Variants in POLR1C observed in about 807,000 individuals in gnomAD.
POLR1C encodes RNA polymerase I and III subunit C, also known as DNA-directed RNA polymerases I and III subunit RPAC1.
In POLR1C, 42 loss-of-function variants were observed where a neutral mutation model predicts 38.3. That is an observed-to-expected ratio of 1.10 (90% CI 0.86 to 1.42). POLR1C has a LOEUF of 1.42. Among genes scored for constraint, POLR1C ranks in the 40% most tolerant of loss-of-function variants. The pLI is 0.00. For synonymous variants in POLR1C, 163 were observed against 163.9 expected (o/e 0.99, Z 0.04); for missense variants, 507 against 450.5 (o/e 1.13, Z -1.14).
chr6:43,545,408 T>G (rs1330401884), intron 9 of POLR1C, among the ~76,000 whole-genome samples: 1 of 151,976 alleles, frequency 6.6e-6, no homozygotes, highest in Non-Finnish European at 1.5e-5. Context: ...ACAATGTAAT[T>G]TAAACATCCT....
In POLR1C at chr6:43,521,325, G is replaced by A; in HGVS notation, c.*25G>A. On this transcript the variant is annotated 3_prime_UTR_variant, in exon 9 of 9. Transcript: ENST00000642195. ...AGCTTGGATGCTTCTGAGGCAAGCT[G>A]AAGCTTTGGGTTCTGACTGACCCAC... 6.2e-7 allele frequency: 1 copy of A among 1,611,950 alleles called. No homozygotes were observed. The highest frequency in any genetic ancestry group is 1.7e-5 in the Admixed American group (1 of 60,024).
At chr6:43,552,830 G>A (rs998043627) in intron 10 of POLR1C, among the ~76,000 whole-genome samples, 2 of 152,144 alleles carry the variant, frequency 1.3e-5, no homozygotes, top group Admixed American at 6.5e-5. Context: ...TACTGGTGGC[G>A]TACAGTATTC....
At chr6:43,550,542 C>G (rs1288751135) in intron 9 of POLR1C, among the ~76,000 whole-genome samples, 2 of 152,202 alleles carry the variant, frequency 1.3e-5, no homozygotes, top group Non-Finnish European at 2.9e-5. Context: ...TCGCTTGACT[C>G]ACATGTCTCC....
chr6:43,518,769 C>T (rs1344520462), intron 2 of POLR1C, among the ~76,000 whole-genome samples: 3 of 152,140 alleles, frequency 2.0e-5, no homozygotes, highest in East Asian at 1.9e-4. Context: ...CTGCAACCTC[C>T]GCCTCCCGGG....
chr6:43,520,874 T>G, intron 7 of POLR1C, 58 bp from the exon 8 acceptor site: 1 of 1,601,304 alleles, frequency 6.2e-7, no homozygotes, highest in Non-Finnish European at 8.6e-7. Context: ...ATAACCTGGT[T>G]TGCTACCAAG....
In POLR1C at chr6:43,558,107, C is replaced by T. The variant is rs532130605; in HGVS notation, c.*49-3293C>T. On this transcript the variant is annotated intron_variant, in intron 10 of 10. Coordinates refer to the POLR1C transcript ENST00000607635. ...TGAAACTCCATCTCAAAAAAAAAAA[C>T]AAACAAAAAGGAAATAAGGCACAGA... Among the ~76,000 whole-genome samples, 152 of 147,908 alleles carry T rather than the reference C, an allele frequency of 1.0e-3. 2 individuals carry two copies. The highest frequency in any genetic ancestry group is 3.6e-3 in the African/African-American group (144 of 39,682).
chr6:43,520,886 G>A, intron 7 of POLR1C, 46 bp from the exon 8 acceptor site: 1 of 1,601,730 alleles, frequency 6.2e-7, no homozygotes, highest in Non-Finnish European at 8.6e-7. Context: ...GCTACCAAGT[G>A]GCAAATTAGA....
At chr6:43,548,026 A>C (rs1207526078) in intron 9 of POLR1C, among the ~76,000 whole-genome samples, 1 of 152,140 alleles carries the variant, frequency 6.6e-6, no homozygotes, top group African/African-American at 2.4e-5. Flanking sequence ...ATTTTTCTAA[A>C]TGTGCTGGTG....
At chr6:43,535,889 A>G (rs569186489) in intron 9 of POLR1C, among the ~76,000 whole-genome samples, 1 of 151,552 alleles carries the variant, frequency 6.6e-6, no homozygotes, top group African/African-American at 2.4e-5. Context: ...TAGGGAGGCC[A>G]AGGCCGGAGA....
chr6:43,526,751 A>G, intron 8 of POLR1C: 1 of 1,613,554 alleles, frequency 6.2e-7, no homozygotes, highest in South Asian at 1.1e-5. Flanking sequence ...CAAACCGCTA[A>G]AGCAAGAAAG....
downstream of POLR1C, chr6:43,533,732 G>A (rs1391540451): frequency 1.0e-5 from 4 of 384,066 alleles, no homozygotes; most frequent in South Asian, 5.1e-5. Context: ...CTACTCGGGA[G>A]GCTGAGGCAG....
At chr6:43,548,401 C>T in intron 9 of POLR1C, 5 of 1,611,284 alleles carry the variant, frequency 3.1e-6, no homozygotes, top group Non-Finnish European at 4.2e-6. Context: ...CCATTTGTGT[C>T]AGGAGTAGCT....
chr6:43,541,561 C>T (rs1794690348), intron 9 of POLR1C, among the ~76,000 whole-genome samples: 1 of 144,982 alleles, frequency 6.9e-6, no homozygotes, highest in Non-Finnish European at 1.5e-5. Context: ...CTGCCAGGCC[C>T]ATTAAGCAGT....
At chr6:43,538,009 C>T (rs1180805645) in intron 9 of POLR1C, among the ~76,000 whole-genome samples, 10 of 141,128 alleles carry the variant, frequency 7.1e-5, no homozygotes, top group Middle Eastern at 8.6e-3. Context: ...TGCTTGATCC[C>T]GGGAGGCGGA....
At chr6:43,525,322 T>G, downstream of POLR1C, 1 of 1,055,324 alleles carries the variant, frequency 9.5e-7, no homozygotes, top group African/African-American at 1.6e-5. Context: ...TCCCCCCCTC[T>G]AAAGATGGGT....
At position 43,561,006 on chromosome 6, in the gene POLR1C, C is replaced by G. The variant is rs1561882891; in HGVS notation, c.*49-394C>G. 5 of 1,613,152 alleles carry G rather than the reference C, an allele frequency of 3.1e-6. No homozygotes were observed. On this transcript the variant is annotated intron_variant, in intron 10 of 10. Transcript: ENST00000607635. ...TGGTGTTTCTACATCAGAATCTGCA[C>G]CCTGTAGGAGAAGACCACTATATTA... is the stretch of plus-strand genomic sequence containing the variant.
At chr6:43,519,935 C>A in intron 4 of POLR1C, 97 bp downstream of exon 4, 1 of 1,539,832 alleles carries the variant, frequency 6.5e-7, no homozygotes, top group South Asian at 1.2e-5. Context: ...ACATCAGTGT[C>A]TTTCATCTGT....
At chr6:43,528,740 C>A in intron 8 of POLR1C, 2 of 1,296,730 alleles carry the variant, frequency 1.5e-6, no homozygotes, top group South Asian at 2.5e-5. Context: ...GTAGACAACA[C>A]TTCTAGGAGC....
At chr6:43,558,615 G>A (rs1466211273) in intron 10 of POLR1C, 2 of 1,545,304 alleles carry the variant, frequency 1.3e-6, no homozygotes, top group Non-Finnish European at 1.7e-6. Flanking sequence ...GGTAATTGGG[G>A]TAGGGGATGA....
Sources: gnomAD v4.1 joint callset for allele counts (sites outside exome capture counted in the v4.1 genomes callset) on GRCh38, gnomAD v4.1.1 for gene constraint, MANE v1.5 for transcripts, NCBI Gene and HGNC (gene_info 2026-07-23, HGNC 2026-07-21) for gene names.